NPHP3: variants seen among roughly 807,000 people sequenced by gnomAD.
NPHP3 encodes the protein nephrocystin 3.
A neutral mutation model predicts 171.9 loss-of-function variants in NPHP3; 123 were observed. The observed-to-expected ratio is 0.72, with a 90% confidence interval of 0.62 to 0.83. The LOEUF is 0.83. Ranked by LOEUF, NPHP3 falls within the 40% of genes least tolerant of loss-of-function variation. NPHP3 has a pLI of 0.00. For synonymous variants in NPHP3, 558 were observed against 579.2 expected, an observed-to-expected ratio of 0.96 and a Z score of 0.52; for missense variants, 1,506 against 1,591.9, an observed-to-expected ratio of 0.95 and a Z score of 0.92.
chr3:132,720,005 GA>G (rs570821253), intron 1 of NPHP3, among the ~76,000 whole-genome samples, 175 bp from the exon 2 acceptor site: 2 of 151,750 alleles, frequency 1.3e-5, no homozygotes, highest in East Asian at 3.9e-4. Flanking sequence ...AAACATGATG[GA>G]AAAAAACCGC....
chr3:132,716,935 G>A, intron 3 of NPHP3, 26 bp from the exon 4 acceptor site: 4 of 1,611,554 alleles, frequency 2.5e-6, no homozygotes, highest in Non-Finnish European at 3.4e-6. Flanking sequence ...TTTTTATCTT[G>A]TGAAAGCCAA....
chr3:132,708,304 C>G (rs1183348297), intron 6 of NPHP3, 47 bp from the exon 7 acceptor site: 1 of 1,578,176 alleles, frequency 6.3e-7, no homozygotes, highest in Non-Finnish European at 8.7e-7. Flanking sequence ...ATTGTGGCAG[C>G]AAGCAGTTAG....
intron 15 of NPHP3, 104 bp from the exon 16 acceptor site, chr3:132,695,069 C>A: frequency 9.7e-7 from 1 of 1,035,058 alleles, no homozygotes; most frequent in South Asian, 1.3e-5. Context: ...TGTACTGCAA[C>A]CAATAACAAA....
chr3:132,684,933 T>G, intron 23 of NPHP3, 139 bp from the exon 24 acceptor site: 1 of 1,029,474 alleles, frequency 9.7e-7, no homozygotes, highest in Non-Finnish European at 1.4e-6. Context: ...AAAATCTTAC[T>G]TTCCCCCTCT....
At chr3:132,713,017 T>G (rs1199744408) in intron 6 of NPHP3, 109 bp downstream of exon 6, 1 of 558,616 alleles carries the variant, frequency 1.8e-6, no homozygotes, top group African/African-American at 1.9e-5. Context: ...ATTTCATGGA[T>G]TTTTTTATTA....
In NPHP3 at chr3:132,715,312, T is replaced by C. The variant is rs17414558; in HGVS notation, c.824-94A>G. The C allele has an allele frequency of 0.12, 116,062 of 998,994 alleles. 7,198 individuals carry two copies. Among genetic ancestry groups the C allele is most frequent in the Middle Eastern group, 0.15 (494 of 3,290 alleles). The allele number at this position is 998,994 out of a possible 1,614,324, so 61.9% of individuals were successfully genotyped here. On this transcript the variant is annotated intron_variant, in intron 4 of 26. Coordinates refer to ENST00000337331, the MANE Select transcript of NPHP3 (RefSeq NM_153240.5). ...TAAAAACATAACAGGCATCATAGAATGGAATCTGATCTTACATGTTAATAC... is the reference window on the plus strand; with the variant it reads ...TAAAAACATAACAGGCATCATAGAACGGAATCTGATCTTACATGTTAATAC...
intron 24 of NPHP3, among the ~76,000 whole-genome samples, chr3:132,683,933 A>T (rs1458518490): frequency 4.3e-5 from 4 of 92,580 alleles, no homozygotes; most frequent in Non-Finnish European, 7.8e-5. Context: ...CCTTCTTACT[A>T]AAACAACTTT....
In NPHP3 at chr3:132,713,196, G is replaced by A; in HGVS notation, c.1048C>T (p.Leu350Phe). The change falls in exon 6 of 27, where the codon CTC (leucine) becomes TTC (phenylalanine). Residue 350 changes from leucine to phenylalanine, a missense_variant. This residue lies in a region of NPHP3 where 930 missense variants were observed against 924.9 expected (regional missense o/e 1.01). Coordinates refer to ENST00000337331, the MANE Select transcript of NPHP3 (RefSeq NM_153240.5). The part of the protein sequence containing the change: ...YFPIDVENQY[L>F]TVRKWEIEKS... ...TCAATTTCCCATTTTCTTACAGTGA[G>A]GTATTGATTTTCAACATCTATTGGA... 1.3e-6 allele frequency: 2 copies of A among 1,556,774 alleles called. No individual in the cohort carries two copies. The highest frequency in any genetic ancestry group is 8.8e-7 in the Non-Finnish European group (1 of 1,133,940).
At position 132,695,030 on chromosome 3, in the gene NPHP3, C is replaced by T. The variant is rs371430742; in HGVS notation, c.2172-65G>A. ...CCAACATCTGTGAAAATTTTGAGAT[C>T]GATTAAAAACAACGTGAACTCTATT... On this transcript the variant is annotated intron_variant, in intron 15 of 26. Coordinates refer to ENST00000337331, the MANE Select transcript of NPHP3 (RefSeq NM_153240.5). 1.8e-5 allele frequency: 27 copies of T among 1,506,192 alleles called. No individual in the cohort carries two copies. The East Asian group carries it at 3.4e-4, about 19-fold the overall frequency. The allele number at this position is 1,506,192 out of a possible 1,614,324, so 93.3% of individuals were successfully genotyped here.
At chr3:132,701,751 G>T (rs939032312) in intron 9 of NPHP3, among the ~76,000 whole-genome samples, 1 of 152,172 alleles carries the variant, frequency 6.6e-6, no homozygotes, top group Non-Finnish European at 1.5e-5. Context: ...GGCTGGGCGC[G>T]GTGGCTCACG....
At chr3:132,682,657 C>A (rs369013343) in intron 26 of NPHP3, 46 bp downstream of exon 26, 1 of 1,098,556 alleles carries the variant, frequency 9.1e-7, no homozygotes, top group Non-Finnish European at 1.4e-6. Context: ...GACAAAGCTA[C>A]TTCGAATAAA....
chr3:132,691,087 A>C (rs1939287300), intron 18 of NPHP3, 105 bp downstream of exon 18: 1 of 875,844 alleles, frequency 1.1e-6, no homozygotes, highest in East Asian at 2.4e-5. Context: ...TTTTTGTAAT[A>C]ATTAAGTTTT....
In NPHP3 at chr3:132,722,131, C is replaced by T. The variant is rs760897912; in HGVS notation, c.225G>A (p.Lys75=). ...GCTCTGGCACCGACGAGCCAGTGGA[C>T]TTGAAGCTGGCCCCCAGCAGCCCGC... ...GAGGLLGASF[K]STGSSVPELE... The change falls in exon 1 of 27, where the codon AAG becomes AAA. Residue 75 remains lysine (K), a synonymous_variant. Transcript: ENST00000337331. 4 of 1,603,524 alleles carry T rather than the reference C, an allele frequency of 2.5e-6. No homozygotes were observed. Among genetic ancestry groups the T allele is most frequent in the Admixed American group, 3.3e-5 (2 of 59,750 alleles).
At chr3:132,721,062 C>T (rs1576689803) in intron 1 of NPHP3, among the ~76,000 whole-genome samples, 2 of 152,024 alleles carry the variant, frequency 1.3e-5, no homozygotes, top group South Asian at 2.1e-4. Flanking sequence ...GGATTACAGG[C>T]GCGTGCCACC....
intron 5 of NPHP3, among the ~76,000 whole-genome samples, chr3:132,714,710 C>T (rs943445452): frequency 2.0e-5 from 3 of 152,098 alleles, no homozygotes; most frequent in African/African-American, 7.2e-5. Context: ...GCCCAGGCAA[C>T]AGAGCAAGAC....
intron 15 of NPHP3, 130 bp from the exon 16 acceptor site, chr3:132,695,095 T>A: frequency 1.2e-6 from 1 of 849,460 alleles, no homozygotes; most frequent in Admixed American, 2.0e-5. Context: ...TAAAACATGA[T>A]AAAGGAAAGT....
At position 132,713,167 on chromosome 3, in the gene NPHP3, T is replaced by A; in HGVS notation, c.1077A>T (p.Lys359Asn). 2 of 1,511,804 alleles carry A rather than the reference T, an allele frequency of 1.3e-6. No individual in the cohort carries two copies. Among genetic ancestry groups the A allele is most frequent in the Non-Finnish European group, 1.8e-6 (2 of 1,100,684 alleles). 93.6% of individuals were successfully genotyped at this position (1,511,804 alleles called of 1,614,324 possible). A position where few individuals can be genotyped will look rare whatever the true frequency, so the allele number is the denominator to read the frequency against. The change falls in exon 6 of 27, where the codon AAA (lysine) becomes AAT (asparagine). Residue 359 changes from lysine to asparagine, a missense_variant. By Grantham distance (94) the Lys-to-Asn change is moderately conservative. Around this residue, in one of 3 missense-constraint regions of NPHP3, gnomAD observed 930 missense variants for 924.9 expected, o/e 1.01. Transcript: ENST00000337331. ...GAATAAATAAAATAACTAAAGAACT[T>A]TTCTCAATTTCCCATTTTCTTACAG... Reference protein sequence around the residue: ...YLTVRKWEIEKSSLVILFIHL... With the variant: ...YLTVRKWEIENSSLVILFIHL...
At chr3:132,701,640 G>A in intron 9 of NPHP3, 107 bp from the exon 10 acceptor site, 2 of 787,200 alleles carry the variant, frequency 2.5e-6, no homozygotes, top group Non-Finnish European at 2.1e-6. Context: ...AGCTGTGTGA[G>A]AAAATGAAAT....
rs112134021 is a variant in NPHP3, at chr3:132,710,819, C to T, written c.1118+2307G>A. 7.5e-3 allele frequency among the ~76,000 whole-genome samples: 1,149 copies of T among 152,292 alleles called. 6 individuals carry two copies. The highest frequency in any genetic ancestry group is 0.02 in the Middle Eastern group (6 of 294). ...GGAGCCTGGCCGTTTCCCTCTAATGCACCTTCTCCAGTCAGTAACACCGAG... is the reference window on the plus strand; with the variant it reads ...GGAGCCTGGCCGTTTCCCTCTAATGTACCTTCTCCAGTCAGTAACACCGAG... On this transcript the variant is annotated intron_variant, in intron 6 of 26. Coordinates refer to ENST00000337331, the MANE Select transcript of NPHP3 (RefSeq NM_153240.5).
Sources: allele counts gnomAD v4.1 joint callset (sites outside exome capture counted in the v4.1 genomes callset), GRCh38; gene constraint gnomAD v4.1.1; regional missense constraint gnomAD v4.1.1; transcripts MANE v1.5; gene names NCBI Gene and HGNC (gene_info 2026-07-23, HGNC 2026-07-21).